The following PDE1A variants were observed in gnomAD, a reference collection of about 807,000 sequenced individuals.
The protein encoded by PDE1A is dual specificity calcium/calmodulin-dependent 3',5'-cyclic nucleotide phosphodiesterase 1A.
Under a neutral mutation model 61.7 loss-of-function variants are expected in PDE1A, and 35 were observed. The ratio of observed to expected loss-of-function variants is 0.57; its 90% CI spans 0.43 to 0.75. The LOEUF (loss-of-function observed/expected upper bound fraction) is 0.75, where lower values mean the gene tolerates loss of function less well. Among genes scored for constraint, PDE1A ranks in the 30% least tolerant of loss-of-function variants. The pLI is 0.00. For synonymous variants in PDE1A, 232 were observed against 213.2 expected (o/e 1.09, Z -0.77); for missense variants, 597 against 630.6 (o/e 0.95, Z 0.57).
chr2:182,145,140 A>G (rs1009271773), downstream of PDE1A, among the ~76,000 whole-genome samples: 27 of 152,378 alleles, frequency 1.8e-4, no homozygotes, highest in Admixed American at 1.6e-3. Flanking sequence ...AAGATATTCC[A>G]ACAATTAAAC....
At chr2:182,190,161 T>C (rs1054025202) in intron 10 of PDE1A, among the ~76,000 whole-genome samples, 6 of 152,220 alleles carry the variant, frequency 3.9e-5, no homozygotes, top group African/African-American at 1.2e-4. Context: ...ATGAGAGTTA[T>C]AGACAGAAAG....
the PDE1A span, among the ~76,000 whole-genome samples, chr2:182,559,070 G>C: frequency 4.6e-5 from 7 of 152,164 alleles, no homozygotes; most frequent in Non-Finnish European, 1.0e-4. Flanking sequence ...CTCAACCAAA[G>C]AGAGCTTTTC....
intron 13 of PDE1A, among the ~76,000 whole-genome samples, chr2:182,148,678 A>G (rs1574493927): frequency 6.6e-6 from 1 of 152,100 alleles, no homozygotes; most frequent in Non-Finnish European, 1.5e-5. Context: ...GTTTCCATGA[A>G]TGACTGGAAG....
the PDE1A span, among the ~76,000 whole-genome samples, chr2:182,547,647 A>G: frequency 6.6e-6 from 1 of 152,246 alleles, no homozygotes. Context: ...CTTTAAAAAA[A>G]TAAATCTACA....
intron 2 of PDE1A, among the ~76,000 whole-genome samples, chr2:182,263,956 C>T (rs1692414918): frequency 6.6e-6 from 1 of 152,118 alleles, no homozygotes; most frequent in South Asian, 2.1e-4. Context: ...TAGGGAAAAT[C>T]CTTACATCAG....
intron 2 of PDE1A, among the ~76,000 whole-genome samples, chr2:182,439,374 A>G (rs1396982828): frequency 1.3e-5 from 2 of 152,038 alleles, no homozygotes; most frequent in Non-Finnish European, 2.9e-5. Context: ...TCTTGCTCAG[A>G]GAGAACATTT....
chr2:182,440,438 G>T (rs1574660748), intron 2 of PDE1A, among the ~76,000 whole-genome samples: 1 of 151,976 alleles, frequency 6.6e-6, no homozygotes, highest in African/African-American at 2.4e-5. Flanking sequence ...TTAGTTATAG[G>T]CATGCCTTTA....
intron 2 of PDE1A, among the ~76,000 whole-genome samples, chr2:182,517,282 G>C (rs1215368627): frequency 6.6e-6 from 1 of 152,072 alleles, no homozygotes; most frequent in East Asian, 1.9e-4. Context: ...TGTTATATCT[G>C]CACAATTCTA....
intron 1 of PDE1A, among the ~76,000 whole-genome samples, chr2:182,283,184 C>T (rs1308129081): frequency 6.6e-6 from 1 of 152,028 alleles, no homozygotes; most frequent in African/African-American, 2.4e-5. Context: ...AGTAAAATCA[C>T]TGGACACTTG....
At chr2:182,457,509 T>C (rs1232639667) in intron 2 of PDE1A, among the ~76,000 whole-genome samples, 1 of 152,016 alleles carries the variant, frequency 6.6e-6, no homozygotes, top group Non-Finnish European at 1.5e-5. Context: ...GCATTCTAGA[T>C]TCTTCAAGTC....
chr2:182,241,916 T>C, intron 2 of PDE1A: 1 of 1,530,050 alleles, frequency 6.5e-7, no homozygotes, highest in Non-Finnish European at 8.7e-7. Context: ...TTTGCCCATT[T>C]GAAATTAGAT....
chr2:182,190,859 G>C (rs1685626419), intron 10 of PDE1A, among the ~76,000 whole-genome samples: 1 of 152,084 alleles, frequency 6.6e-6, no homozygotes, highest in South Asian at 2.1e-4. Context: ...AGGAGGCTGA[G>C]GCAGGGGAAT....
intron 2 of PDE1A, among the ~76,000 whole-genome samples, chr2:182,516,831 A>AAGAGAGGGAGGGAGGG (rs1428795262): frequency 1.9e-5 from 2 of 105,592 alleles, no homozygotes; most frequent in African/African-American, 8.6e-5. Context: ...GGAAGGAAGG[A>AAGAGAGGGAGGGAGGG]AGGGAGGGAG....
chr2:182,151,985 C>T (rs543097793), intron 13 of PDE1A, among the ~76,000 whole-genome samples: 72 of 152,216 alleles, frequency 4.7e-4, no homozygotes, highest in Non-Finnish European at 7.6e-4. Flanking sequence ...ACAAGCTATT[C>T]CTCAGAGCAA....
chr2:182,210,786 G>A (rs1687519446), intron 7 of PDE1A, among the ~76,000 whole-genome samples: 1 of 151,534 alleles, frequency 6.6e-6, no homozygotes, highest in African/African-American at 2.4e-5. Flanking sequence ...ATAGATTTTT[G>A]TTTTAAATTT....
chr2:182,577,985 GAA>G, the PDE1A span, among the ~76,000 whole-genome samples: 187 of 148,378 alleles, frequency 1.3e-3, 5 homozygotes, highest in African/African-American at 4.6e-3. Context: ...AGGAAGGAAG[GAA>G]GGAAGGGACG....
chr2:182,371,834 G>C (rs1700141956), intron 1 of PDE1A, among the ~76,000 whole-genome samples: 1 of 152,122 alleles, frequency 6.6e-6, no homozygotes, highest in Non-Finnish European at 1.5e-5. Flanking sequence ...CACCAGGCTG[G>C]AGTGCAGTGA....
At chr2:182,667,032 A>T in the PDE1A span, among the ~76,000 whole-genome samples, 1 of 152,140 alleles carries the variant, frequency 6.6e-6, no homozygotes, top group Non-Finnish European at 1.5e-5. Context: ...ATCCTTCTTC[A>T]AAAGAACCTG....
chr2:182,683,653 C>T, the PDE1A span, among the ~76,000 whole-genome samples: 5 of 151,862 alleles, frequency 3.3e-5, no homozygotes, highest in South Asian at 4.2e-4. Context: ...AAATCATGAC[C>T]GATAAAAATA....
Sources: allele counts gnomAD v4.1 joint callset (sites outside exome capture counted in the v4.1 genomes callset), GRCh38; gene constraint gnomAD v4.1.1; transcripts MANE v1.5; gene names NCBI Gene and HGNC (gene_info 2026-07-23, HGNC 2026-07-21).